Variants in TRMT9B observed in about 807,000 individuals in gnomAD.
TRMT9B encodes probable tRNA methyltransferase 9B.
In TRMT9B, 16 loss-of-function variants were observed where a neutral mutation model predicts 11.5. That is an observed-to-expected ratio of 1.39 (90% CI 0.94 to 2.11). TRMT9B has a LOEUF of 2.11. Among genes scored for constraint, TRMT9B ranks in the 30% most tolerant of loss-of-function variants. TRMT9B has a pLI of 0.00. For synonymous variants in TRMT9B, 274 were observed against 192.4 expected (o/e 1.42, Z -3.51); for missense variants, 941 against 553.8 (o/e 1.70, Z -7.02).
intron 3 of TRMT9B, chr8:13,006,755 G>A (rs369152150): frequency 9.1e-5 from 72 of 787,180 alleles, no homozygotes; most frequent in Non-Finnish European, 1.1e-4. Flanking sequence ...TGCAAACTCC[G>A]CCTCCCAGGT....
intron 4 of TRMT9B, among the ~76,000 whole-genome samples, chr8:13,017,976 TTAAGTA>T (rs1813061397): frequency 6.6e-6 from 1 of 151,700 alleles, no homozygotes; most frequent in African/African-American, 2.4e-5. Context: ...TTATTACACT[TTAAGTA>T]TAAATATAAA....
chr8:12,964,202 T>C (rs1802510558), intron 1 of TRMT9B, among the ~76,000 whole-genome samples: 1 of 152,242 alleles, frequency 6.6e-6, no homozygotes, highest in African/African-American at 2.4e-5. Context: ...TCAAAAATAT[T>C]GTATTGCATC....
intron 2 of TRMT9B, among the ~76,000 whole-genome samples, chr8:13,004,101 G>C (rs972589584): frequency 1.3e-5 from 2 of 151,948 alleles, no homozygotes; most frequent in Non-Finnish European, 1.5e-5. Context: ...TGCCCACAGA[G>C]GGAGCATTTA....
rs142596365 is a variant in TRMT9B at position 12,995,636 on chromosome 8, T to C, written c.-2+4605T>C. 5.1e-3 allele frequency among the ~76,000 whole-genome samples: 773 copies of C among 152,294 alleles called. 4 individuals carry two copies. Among genetic ancestry groups the C allele is most frequent in the African/African-American group, 0.018 (734 of 41,568 alleles). ...TTCTTGATTTTTATAAAGAAAACTT[T>C]ACTGATACACATGTTTGTCTTCTTT... On this transcript the variant is annotated intron_variant, in intron 2 of 4. Coordinates refer to ENST00000524591, the MANE Select transcript of TRMT9B (RefSeq NM_020844.3).
intron 4 of TRMT9B, among the ~76,000 whole-genome samples, chr8:13,016,153 T>A (rs924032176): frequency 1.9e-4 from 20 of 104,440 alleles, no homozygotes; most frequent in Admixed American, 3.7e-4. Context: ...ACCCTGTACC[T>A]GAAAATCATA....
chr8:13,016,402 AATAT>A (rs910104111), intron 4 of TRMT9B, among the ~76,000 whole-genome samples: 14 of 147,620 alleles, frequency 9.5e-5, no homozygotes, highest in Non-Finnish European at 1.6e-4. Flanking sequence ...AAATATAAAT[AATAT>A]ATATAAAAGG....
Position 13,006,254 on chromosome 8 carries a change from G to C in TRMT9B, c.52G>C (p.Glu18Gln), listed in dbSNP as rs375459091. ...GAAGCAGCATGTGCACAATGTGTAC[G>C]AGAGCACAGCCCCTTACTTCAGCGA... ...LEKQHVHNVY[E>Q]STAPYFSDLQ... The change falls in exon 3 of 5, where the codon GAG becomes CAG. Residue 18 changes from glutamate to glutamine, a missense_variant. Physicochemically the swap from Glu to Gln is conservative, Grantham distance 29. Coordinates refer to ENST00000524591, the MANE Select transcript of TRMT9B (RefSeq NM_020844.3). 9.9e-6 allele frequency: 16 copies of C among 1,613,878 alleles called. No individual in the cohort carries two copies. Among genetic ancestry groups the C allele is most frequent in the Middle Eastern group, 3.3e-4 (2 of 6,082 alleles).
chr8:12,994,473 C>T (rs1292216147), intron 2 of TRMT9B, among the ~76,000 whole-genome samples: 2 of 152,154 alleles, frequency 1.3e-5, no homozygotes, highest in Non-Finnish European at 2.9e-5. Flanking sequence ...TCCTTTCTTC[C>T]CTTCGGTAGC....
rs1814837297 is a variant in TRMT9B, at chr8:13,027,590, A to C, written c.*5546A>C. The stretch of plus-strand genomic sequence containing the variant: ...TTGCACCCGATTTTTTCTGTTCTGC[A>C]ATCTGCTATTTTAGACAAAGCTTTC... On this transcript the variant is annotated 3_prime_UTR_variant, in exon 5 of 5. Transcript: ENST00000524591. The C allele has an allele frequency of 1.2e-5, 2 of 167,098 alleles. No homozygotes were observed. Among genetic ancestry groups the C allele is most frequent in the African/African-American group, 4.8e-5 (2 of 41,474 alleles). The allele number at this position is 167,098 out of a possible 1,614,324, so 10.4% of individuals were successfully genotyped here. A position where few individuals can be genotyped will look rare whatever the true frequency, so the allele number is the denominator to read the frequency against.
At position 13,024,041 on chromosome 8, in the gene TRMT9B, CTTT is replaced by C. The variant is rs33910775; in HGVS notation, c.*2015_*2017del. ...AAAATTAATTTGGTTTCTTCTATTT[CTTT>C]TTTTTTTTTTTTTTTTTGAGACAGA... On this transcript the variant is annotated 3_prime_UTR_variant, in exon 5 of 5. Coordinates refer to ENST00000524591, the MANE Select transcript of TRMT9B (RefSeq NM_020844.3). 4 of 115,248 alleles carry C rather than the reference CTTT, an allele frequency of 3.5e-5. No individual in the cohort carries two copies. The highest frequency in any genetic ancestry group is 1.2e-4 in the Admixed American group (1 of 8,020). The allele number at this position is 115,248 out of a possible 1,614,324, so 7.1% of individuals were successfully genotyped here.
In TRMT9B at chr8:13,017,648, C is replaced by G. The variant is rs138616544; in HGVS notation, c.329-3360C>G. On this transcript the variant is annotated intron_variant, in intron 4 of 4. Coordinates refer to ENST00000524591, the MANE Select transcript of TRMT9B (RefSeq NM_020844.3). ...TTTTTTTTTGAGACAGTGTCTTACTCTGTCACCCAGGTTGGAGTACAGTGG... is the reference window on the plus strand; with the variant it reads ...TTTTTTTTTGAGACAGTGTCTTACTGTGTCACCCAGGTTGGAGTACAGTGG... 7.1e-3 allele frequency among the ~76,000 whole-genome samples: 927 copies of G among 130,730 alleles called. 7 individuals are homozygous for G. Among genetic ancestry groups the G allele is most frequent in the African/African-American group, 0.023 (804 of 34,566 alleles). The allele number at this position is 130,730 out of a possible 152,430, so 85.8% of individuals were successfully genotyped here.
At chr8:13,001,933 G>C (rs1381017438) in intron 2 of TRMT9B, among the ~76,000 whole-genome samples, 1 of 152,082 alleles carries the variant, frequency 6.6e-6, no homozygotes, top group African/African-American at 2.4e-5. Context: ...AGTCTTATTA[G>C]CTTAGTCACA....
intron 1 of TRMT9B, among the ~76,000 whole-genome samples, chr8:12,953,424 A>G (rs1800900524): frequency 6.6e-6 from 1 of 152,062 alleles, no homozygotes; most frequent in Non-Finnish European, 1.5e-5. Context: ...ATCTTGGCTC[A>G]ATACAACTTC....
In TRMT9B at chr8:13,028,707, C is replaced by G. The variant is rs1242534473; in HGVS notation, c.*6663C>G. ...TCTCGTGCCTCAGCCTCCTGAATAGCTGGGATTACAGGAACATGCCACCAC... is the reference window on the plus strand; with the variant it reads ...TCTCGTGCCTCAGCCTCCTGAATAGGTGGGATTACAGGAACATGCCACCAC... On this transcript the variant is annotated 3_prime_UTR_variant, in exon 5 of 5. Transcript: ENST00000524591. 1.3e-5 allele frequency: 2 copies of G among 153,064 alleles called. No homozygotes were observed. The highest frequency in any genetic ancestry group is 2.9e-5 in the Non-Finnish European group (2 of 67,972). 9.5% of individuals were successfully genotyped at this position (153,064 alleles called of 1,614,324 possible).
intron 3 of TRMT9B, chr8:13,006,708 A>T: frequency 7.9e-7 from 1 of 1,260,944 alleles, no homozygotes; most frequent in Non-Finnish European, 1.0e-6. Context: ...CACTCTTGTC[A>T]ACCAGATTGG....
In TRMT9B at chr8:13,026,818, T is replaced by C. The variant is rs1468287041; in HGVS notation, c.*4774T>C. On this transcript the variant is annotated 3_prime_UTR_variant, in exon 5 of 5. Transcript: ENST00000524591. ...CTCCCACCCCTGGGCCCAGCTCATG[T>C]GCTTGGCGGAGTATTAGAGCCTTTC... is the stretch of plus-strand genomic sequence containing the variant. 6.0e-6 allele frequency: 1 copy of C among 167,104 alleles called. No homozygotes were observed. Among genetic ancestry groups the C allele is most frequent in the East Asian group, 1.9e-4 (1 of 5,192 alleles). The allele number at this position is 167,104 out of a possible 1,614,324, so 10.4% of individuals were successfully genotyped here.
intron 3 of TRMT9B, chr8:13,010,960 T>C: frequency 2.2e-6 from 2 of 897,764 alleles, no homozygotes; most frequent in Non-Finnish European, 2.7e-6. Flanking sequence ...CACATTTACG[T>C]AGAAATAATA....
intron 1 of TRMT9B, among the ~76,000 whole-genome samples, chr8:12,975,628 C>G (rs913299668): frequency 2.6e-5 from 4 of 152,136 alleles, no homozygotes; most frequent in Non-Finnish European, 4.4e-5. Flanking sequence ...ATCCCAGCTA[C>G]TTTGGAAGCT....
intron 1 of TRMT9B, among the ~76,000 whole-genome samples, chr8:12,967,470 C>G (rs1247972684): frequency 2.6e-5 from 4 of 152,168 alleles, no homozygotes; most frequent in Non-Finnish European, 5.9e-5. Context: ...TTGTTTACCC[C>G]AGAGATTTTT....
Sources: allele counts gnomAD v4.1 joint callset (sites outside exome capture counted in the v4.1 genomes callset), GRCh38; gene constraint gnomAD v4.1.1; transcripts MANE v1.5; gene names NCBI Gene and HGNC (gene_info 2026-07-23, HGNC 2026-07-21).